Variants in BCKDHB observed in about 807,000 individuals in gnomAD.
The protein encoded by BCKDHB is branched chain keto acid dehydrogenase E1 subunit beta, also known as 2-oxoisovalerate dehydrogenase subunit beta, mitochondrial.
In BCKDHB, 41 loss-of-function variants were observed where a neutral mutation model predicts 48.5. That is an observed-to-expected ratio of 0.85 (90% CI 0.66 to 1.10). The LOEUF (loss-of-function observed/expected upper bound fraction) is 1.10. BCKDHB is among the 50% of genes least tolerant of loss of function. The probability of loss-of-function intolerance (pLI) is 0.00; values close to 1 mark genes in which losing one functional copy is unlikely to be tolerated. For synonymous variants in BCKDHB, 201 were observed against 174.8 expected, an observed-to-expected ratio of 1.15 and a Z score of -1.18; for missense variants, 496 against 494.2, an observed-to-expected ratio of 1.00 and a Z score of -0.03.
intron 4 of BCKDHB, 24 bp downstream of exon 4, chr6:80,167,835 G>A: frequency 1.2e-6 from 2 of 1,609,618 alleles, no homozygotes; most frequent in Non-Finnish European, 1.7e-6. Flanking sequence ...CATTTCTAAG[G>A]TTGTTCATTC....
At chr6:80,434,053 T>A in the BCKDHB span, among the ~76,000 whole-genome samples, 2 of 152,168 alleles carry the variant, frequency 1.3e-5, no homozygotes, top group African/African-American at 4.8e-5. Flanking sequence ...TTTTAGTTAG[T>A]TAATTGTTTT....
intron 8 of BCKDHB, among the ~76,000 whole-genome samples, chr6:80,208,986 T>C (rs1013540382): frequency 6.6e-6 from 1 of 151,886 alleles, no homozygotes; most frequent in Admixed American, 6.6e-5. Context: ...TTAAAATAAA[T>C]GTAGAGCACA....
intron 6 of BCKDHB, among the ~76,000 whole-genome samples, chr6:80,197,937 TCC>T (rs2127817772): frequency 1.5e-5 from 1 of 66,140 alleles, no homozygotes; most frequent in Admixed American, 3.0e-4. Context: ...CATCTGTTCA[TCC>T]ATCCATCCAT....
chr6:80,428,183 C>T, the BCKDHB span, among the ~76,000 whole-genome samples: 1 of 152,098 alleles, frequency 6.6e-6, no homozygotes, highest in Non-Finnish European at 1.5e-5. Context: ...TTAACCATGT[C>T]CCTGCAAAGG....
the BCKDHB span, among the ~76,000 whole-genome samples, chr6:80,437,432 G>A: frequency 5.3e-5 from 8 of 152,172 alleles, no homozygotes; most frequent in Non-Finnish European, 1.0e-4. Flanking sequence ...GGGCTTGCCA[G>A]CATTTTAACC....
the BCKDHB span, among the ~76,000 whole-genome samples, chr6:80,426,012 T>C: frequency 6.6e-6 from 1 of 152,168 alleles, no homozygotes; most frequent in East Asian, 1.9e-4. Flanking sequence ...GAGCTTTTCC[T>C]CTCAACTCAT....
In BCKDHB at chr6:80,120,236, C is replaced by T. The variant is rs557114943; in HGVS notation, c.197-7311C>T. On this transcript the variant is annotated intron_variant, in intron 1 of 9. Coordinates refer to ENST00000320393, the MANE Select transcript of BCKDHB (RefSeq NM_183050.4). ...ATAGTATTCCATGGTGTATATGTGC[C>T]ACATTTTCTTAATCTAGTCTATCAT... 5.3e-5 allele frequency among the ~76,000 whole-genome samples: 8 copies of T among 152,102 alleles called. 1 individual carries two copies. In the South Asian group the frequency reaches 1.2e-3, roughly 24 times the overall value.
chr6:80,223,240 A>G (rs1226619784), intron 8 of BCKDHB, among the ~76,000 whole-genome samples: 4 of 152,172 alleles, frequency 2.6e-5, no homozygotes, highest in Admixed American at 2.0e-4. Context: ...TGTTTGAAAT[A>G]CAATATTATT....
chr6:80,365,064 T>C, the BCKDHB span, among the ~76,000 whole-genome samples: 1 of 151,926 alleles, frequency 6.6e-6, no homozygotes, highest in African/African-American at 2.4e-5. Flanking sequence ...ATCACATGCT[T>C]CAAAGGGCAA....
At chr6:80,193,826 A>C (rs1009610878) in intron 6 of BCKDHB, among the ~76,000 whole-genome samples, 1 of 152,210 alleles carries the variant, frequency 6.6e-6, no homozygotes, top group Non-Finnish European at 1.5e-5. Flanking sequence ...TTAGTGGTCA[A>C]GAGTGTCTAG....
intron 1 of BCKDHB, among the ~76,000 whole-genome samples, chr6:80,118,428 C>G (rs1428008336): frequency 6.6e-6 from 1 of 151,958 alleles, no homozygotes; most frequent in East Asian, 1.9e-4. Context: ...AAGTCATAAT[C>G]TTTTTGCTGG....
chr6:80,279,310 C>T (rs960423279), intron 9 of BCKDHB, among the ~76,000 whole-genome samples: 27 of 151,914 alleles, frequency 1.8e-4, no homozygotes, highest in African/African-American at 5.6e-4. Flanking sequence ...CCTGCTGCCA[C>T]GCCCATCTAA....
At chr6:80,282,852 A>G (rs1023554083) in intron 9 of BCKDHB, among the ~76,000 whole-genome samples, 7 of 152,128 alleles carry the variant, frequency 4.6e-5, no homozygotes, top group Non-Finnish European at 8.8e-5. Context: ...TGTTTCTCTC[A>G]CATGACATGG....
chr6:80,349,203 G>A (rs913770553), downstream of BCKDHB, among the ~76,000 whole-genome samples: 1 of 152,160 alleles, frequency 6.6e-6, no homozygotes, highest in African/African-American at 2.4e-5. Context: ...TTATTCTGCT[G>A]TTAACCTTGA....
chr6:80,438,518 C>T, the BCKDHB span, among the ~76,000 whole-genome samples: 3 of 152,036 alleles, frequency 2.0e-5, no homozygotes, highest in Non-Finnish European at 4.4e-5. Context: ...TCAAAAGATA[C>T]CACTAAATAA....
chr6:80,443,306 TG>T, the BCKDHB span: 1 of 152,058 alleles, frequency 6.6e-6, no homozygotes, highest in African/African-American at 2.4e-5. Context: ...TAAGATAAAG[TG>T]GAATTTGCTG....
chr6:80,371,629 G>C, the BCKDHB span, among the ~76,000 whole-genome samples: 1 of 152,084 alleles, frequency 6.6e-6, no homozygotes, highest in Admixed American at 6.6e-5. Context: ...TTAGATTTAA[G>C]TATTTAATCC....
chr6:80,228,842 T>A (rs73748755), intron 8 of BCKDHB, among the ~76,000 whole-genome samples: 2,979 of 152,262 alleles, frequency 0.02, 89 homozygotes, highest in African/African-American at 0.068. Flanking sequence ...TTCTTCTCTC[T>A]GCTCGATGGG....
intron 5 of BCKDHB, among the ~76,000 whole-genome samples, chr6:80,169,375 G>A (rs1772776555): frequency 6.6e-6 from 1 of 152,114 alleles, no homozygotes; most frequent in Non-Finnish European, 1.5e-5. Context: ...TCACTTAACT[G>A]ATGATGGGGT....
Sources: gnomAD v4.1 joint callset for allele counts (sites outside exome capture counted in the v4.1 genomes callset) on GRCh38, gnomAD v4.1.1 for gene constraint, MANE v1.5 for transcripts, NCBI Gene and HGNC (gene_info 2026-07-23, HGNC 2026-07-21) for gene names.